Variants in FLII observed in about 807,000 individuals in gnomAD.
FLII encodes FLII actin remodeling protein.
Under a neutral mutation model 156.2 loss-of-function variants are expected in FLII, and 101 were observed. The observed-to-expected ratio is 0.65, with a 90% CI of 0.55 to 0.76. The LOEUF (loss-of-function observed/expected upper bound fraction) is 0.76, where lower values mean the gene tolerates loss of function less well. FLII is among the 30% of genes least tolerant of loss of function. The pLI, the probability that FLII is intolerant of heterozygous loss-of-function variation, is 0.00. For missense variants in FLII, 1,675 were observed against 1,682.8 expected, an observed-to-expected ratio of 1.00 and a Z score of 0.08; for synonymous variants, 767 against 685.8, an observed-to-expected ratio of 1.12 and a Z score of -1.85.
intron 18 of FLII, 107 bp from the exon 19 acceptor site, chr17:18,248,140 C>T: frequency 2.8e-6 from 2 of 709,536 alleles, no homozygotes; most frequent in Non-Finnish European, 4.8e-6. Context: ...GGCTCACTGA[C>T]TGCTTCTGTT....
rs148086852 is a variant in FLII, at chr17:18,248,656, T to C, written c.2084A>G (p.Gln695Arg). The change falls in exon 18 of 30, where the codon CAG (glutamine) becomes CGG (arginine). Residue 695 changes from glutamine (Q) to arginine (R), a missense_variant. Physicochemically the swap from Gln to Arg is conservative, Grantham distance 43 (BLOSUM62 1). Coordinates refer to ENST00000327031, the MANE Select transcript of FLII (RefSeq NM_002018.4). ...KGKAEITLLV[Q>R]GQELPEFWEA... ...CCAGAACTCTGGGAGCTCCTGGCCC[T>C]GCACCAGCAGTGTGATCTCAGCCTT... The C allele has an allele frequency of 5.6e-5, 90 of 1,613,932 alleles. No homozygotes were observed. Among genetic ancestry groups the C allele is most frequent in the Non-Finnish European group, 7.1e-5 (84 of 1,179,954 alleles).
Position 18,258,634 on chromosome 17 carries a change from G to T in FLII, c.57C>A (p.Asp19Glu). The T allele has an allele frequency of 6.4e-7, 1 of 1,560,016 alleles. No homozygotes were observed. The highest frequency in any genetic ancestry group is 8.6e-7 in the Non-Finnish European group (1 of 1,162,932). ...CGCGCCCGGCCCGGCTCACCTTGAA[G>T]TCGTTGCCGCTGAGGTCCACGCCAC... ...FVRGVDLSGN[D>E]FKGGYFPENV... is the part of the protein sequence containing the mutation. Residue 19 changes from aspartate (D) to glutamate (E), a missense_variant, in exon 1 of 30, where the codon GAC becomes GAA. Transcript: ENST00000327031. This position sits in a 1 kb window ranked among gnomAD's most constrained non-coding sequence, Gnocchi z 4.2.
chr17:18,249,264 TC>T (rs2048184668), intron 15 of FLII, 61 bp downstream of exon 15: 18 of 1,608,086 alleles, frequency 1.1e-5, no homozygotes, highest in Non-Finnish European at 1.4e-5. Flanking sequence ...CCCAACACCC[TC>T]CCCTCCACCC....
chr17:18,245,798 G>A lies in FLII; in HGVS notation c.3449C>T (p.Ala1150Val), dbSNP rs1391841244. 1 of 1,613,998 alleles carries A rather than the reference G, an allele frequency of 6.2e-7. No individual in the cohort carries two copies. Among genetic ancestry groups the A allele is most frequent in the South Asian group, 1.1e-5 (1 of 91,060 alleles). ...GGCATCGTCATCATAGGGCTTCTGT[G>A]CCCCAATGCCCACCCAGAAGAAGTT... is the stretch of plus-strand genomic sequence containing the variant. ...PENFFWVGIG[A>V]QKPYDDDAEY... Residue 1150 changes from alanine (A) to valine (V), a missense_variant, in exon 27 of 30, where the codon GCA becomes GTA. Physicochemically the swap from Ala to Val is moderately conservative, Grantham distance 64 (BLOSUM62 0). Coordinates refer to ENST00000327031, the MANE Select transcript of FLII (RefSeq NM_002018.4).
In FLII at chr17:18,249,088, G is replaced by A. The variant is rs1384933942; in HGVS notation, c.1934+39C>T. The stretch of plus-strand genomic sequence containing the variant: ...TGCCCCCACTGGTGGGGAGGAGGCT[G>A]AGGATGAAGCACCCCCACCTCACAT... On this transcript the variant is annotated intron_variant, in intron 16 of 29. Transcript: ENST00000327031. 5 of 1,578,698 alleles carry A rather than the reference G, an allele frequency of 3.2e-6. No individual in the cohort carries two copies. The African/African-American group carries it at 4.0e-5, about 13-fold the overall frequency.
intron 14 of FLII, 119 bp from the exon 15 acceptor site, chr17:18,249,527 T>C: frequency 1.3e-6 from 1 of 742,454 alleles, no homozygotes; most frequent in Non-Finnish European, 2.3e-6. Context: ...AAATCTATGA[T>C]GCCTGTAATC....
At chr17:18,258,925 C>T, upstream of FLII, 1 of 262,972 alleles carries the variant, frequency 3.8e-6, no homozygotes, top group Non-Finnish European at 7.1e-6. This position sits in a 1 kb window ranked among gnomAD's most constrained non-coding sequence, Gnocchi z 4.2. Context: ...TTGGAGGCTT[C>T]CACGATCTCC....
In FLII at chr17:18,248,685, T is replaced by C. The variant is rs1567709554; in HGVS notation, c.2055A>G (p.Lys685=). 1.2e-6 allele frequency: 2 copies of C among 1,613,846 alleles called. No homozygotes were observed. The highest frequency in any genetic ancestry group is 2.7e-5 in the African/African-American group (2 of 75,030). Residue 685 remains lysine (K), a synonymous_variant, in exon 18 of 30, where the codon AAA becomes AAG. Transcript: ENST00000327031. ...CCAGCAGTGTGATCTCAGCCTTCCCTTTCCGCTCATTCTTGTTAATTTTCT... is the reference window on the plus strand; with the variant it reads ...CCAGCAGTGTGATCTCAGCCTTCCCCTTCCGCTCATTCTTGTTAATTTTCT... ...FAEKINKNER[K]GKAEITLLVQ... is the part of the protein sequence containing the mutation.
chr17:18,254,572 T>A lies in FLII; in HGVS notation c.524A>T (p.His175Leu). ...TCCATTGAGCACGAGCGTCTGCAGG[T>A]GCACCAGGCGGCGCATCTGCGGGGG... ...SLPPQMRRLV[H>L]LQTLVLNGNP... is the part of the protein sequence containing the mutation. The change falls in exon 6 of 30, where the codon CAC becomes CTC. Residue 175 changes from histidine (H) to leucine (L), a missense_variant. His to Leu is a moderately conservative substitution (Grantham distance 99). Transcript: ENST00000327031. 1.2e-6 allele frequency: 2 copies of A among 1,613,450 alleles called. No homozygotes were observed. The highest frequency in any genetic ancestry group is 1.7e-6 in the Non-Finnish European group (2 of 1,179,870).
Position 18,246,980 on chromosome 17 carries a change from A to ACTTCTTGCC in FLII, c.2740_2748dup (p.Gly914_Lys916dup), listed in dbSNP as rs774014443. 1.2e-6 allele frequency: 2 copies of ACTTCTTGCC among 1,613,942 alleles called. No homozygotes were observed. Among genetic ancestry groups the ACTTCTTGCC allele is most frequent in the Non-Finnish European group, 1.7e-6 (2 of 1,179,970 alleles). ...AACTCCTCTTCCGGCAGCCGCGCAA[A>ACTTCTTGCC]CTTCTTGCCCTCCAGCACGAAACCC... On this transcript the variant is annotated inframe_insertion, in exon 22 of 30. Coordinates refer to ENST00000327031, the MANE Select transcript of FLII (RefSeq NM_002018.4).
chr17:18,251,759 T>C lies in FLII; in HGVS notation c.1304A>G (p.Asp435Gly), dbSNP rs749444767. 1 of 1,613,944 alleles carries C rather than the reference T, an allele frequency of 6.2e-7. No homozygotes were observed. The highest frequency in any genetic ancestry group is 1.1e-5 in the South Asian group (1 of 91,086). ...ARKMRLRRRKDSAQDDQAKQV... is the reference protein window; with the variant it reads ...ARKMRLRRRKGSAQDDQAKQV... ...CTTGGCCTGGTCATCCTGGGCTGAA[T>C]CCTTGCGCCTCCGCAGTCGCATCTT... Residue 435 changes from aspartate to glycine, a missense_variant, in exon 12 of 30, where the codon GAT (aspartate) becomes GGT (glycine). By Grantham distance (94) the Asp-to-Gly change is moderately conservative (BLOSUM62 -1). This residue lies in a region of FLII where 1,332 missense variants were observed against 1,269.3 expected (regional missense o/e 1.05). Transcript: ENST00000327031.
intron 1 of FLII, among the ~76,000 whole-genome samples, chr17:18,257,861 C>G (rs2048472148): frequency 6.6e-6 from 1 of 152,208 alleles, no homozygotes; most frequent in Admixed American, 6.5e-5. Flanking sequence ...GTGAGGCTGA[C>G]CCTCCAGCCA....
Position 18,251,291 on chromosome 17 carries a change from C to T in FLII, c.1570G>A (p.Glu524Lys), listed in dbSNP as rs901042933. The change falls in exon 13 of 30, where the codon GAG (glutamate) becomes AAG (lysine). Residue 524 changes from glutamate to lysine, a missense_variant. By Grantham distance (56) the Glu-to-Lys change is moderately conservative. This residue lies in a region of FLII where 1,332 missense variants were observed against 1,269.3 expected (regional missense o/e 1.05). Coordinates refer to ENST00000327031, the MANE Select transcript of FLII (RefSeq NM_002018.4). ...VEEAFHGKFYEADCYIVLKTF... is the reference protein window; with the variant it reads ...VEEAFHGKFYKADCYIVLKTF... Reference sequence around the variant, plus strand: ...TTGAGCACAATGTAGCAGTCAGCCTCGTAGAACTTGCCGTGGAAGGCTTCC... The same window carrying T: ...TTGAGCACAATGTAGCAGTCAGCCTTGTAGAACTTGCCGTGGAAGGCTTCC... 7.4e-6 allele frequency: 12 copies of T among 1,613,900 alleles called. No individual in the cohort carries two copies. Among genetic ancestry groups the T allele is most frequent in the African/African-American group, 4.0e-5 (3 of 74,950 alleles).
At chr17:18,249,021 C>T in intron 16 of FLII, 106 bp downstream of exon 16, 1 of 1,372,470 alleles carries the variant, frequency 7.3e-7, no homozygotes, top group Non-Finnish European at 1.0e-6. Flanking sequence ...AGCTCGTGGG[C>T]AGGAATTGCT....
In FLII at chr17:18,257,026, G is replaced by A. The variant is rs772427910; in HGVS notation, c.64-7C>T. The stretch of plus-strand genomic sequence containing the variant: ...TCTCAGGGAAGTAGCCGCCCTGGGG[G>A]AAGGATGTCAAGGTGAAGCACAGAG... On this transcript the variant is annotated splice_region_variant and splice_polypyrimidine_tract_variant and intron_variant, in intron 1 of 29. Transcript: ENST00000327031. The A allele has an allele frequency of 3.2e-6, 5 of 1,584,362 alleles. No individual in the cohort carries two copies. The highest frequency in any genetic ancestry group is 2.7e-5 in the African/African-American group (2 of 74,362).
chr17:18,256,066 T>G (rs2048406946), intron 3 of FLII, among the ~76,000 whole-genome samples: 1 of 152,200 alleles, frequency 6.6e-6, no homozygotes, highest in Non-Finnish European at 1.5e-5. Context: ...AAGTCTTGGG[T>G]AGAAGGTACA....
At position 18,253,391 on chromosome 17, in the gene FLII, C is replaced by A. The variant is rs2048325610; in HGVS notation, c.923G>T (p.Gly308Val). 1 of 1,613,820 alleles carries A rather than the reference C, an allele frequency of 6.2e-7. No homozygotes were observed. ...YLNSNKLDFD[G>V]LPSGIGKLTN... ...GAGCTTGCCAATGCCTGAGGGCAGC[C>A]CGTCAAAGTCCAGCTTGTTGGAATT... The change falls in exon 9 of 30, where the codon GGG becomes GTG. Residue 308 changes from glycine (G) to valine (V), a missense_variant. Around this residue, in one of 2 missense-constraint regions of FLII, gnomAD observed 343 missense variants for 413.5 expected, o/e 0.83. Coordinates refer to ENST00000327031, the MANE Select transcript of FLII (RefSeq NM_002018.4).
rs372788656 is a variant in FLII, at chr17:18,248,791, T to C, written c.2018+9A>G. On this transcript the variant is annotated intron_variant, in intron 17 of 29. Transcript: ENST00000327031. The stretch of plus-strand genomic sequence containing the variant: ...CCTTCACACAAAAGACCCCACGGTG[T>C]CCTTGTACCTGGCCTTGGTGGTGCT... 6.2e-7 allele frequency: 1 copy of C among 1,613,864 alleles called. No individual in the cohort carries two copies. Among genetic ancestry groups the C allele is most frequent in the East Asian group, 2.2e-5 (1 of 44,894 alleles).
chr17:18,246,342 G>A lies in FLII; in HGVS notation c.3172C>T (p.Gln1058Ter). The change falls in exon 24 of 30, where the codon CAG (glutamine) becomes TAG (stop). Residue 1058 changes from glutamine to a stop codon, truncating the protein, a stop_gained. Transcript: ENST00000327031. LOFTEE classifies it high-confidence loss of function. ...AGGGCGCTGCCGTTGGTGCGGATCT[G>A]GTAGAGGCTGGGCTGTTGGGCGCCC... ...VQGAQQPSLY[Q>*]IRTNGSALCT... 2 of 1,613,858 alleles carry A rather than the reference G, an allele frequency of 1.2e-6. No individual in the cohort carries two copies. Among genetic ancestry groups the A allele is most frequent in the Non-Finnish European group, 1.7e-6 (2 of 1,180,018 alleles).
Sources: allele counts gnomAD v4.1 joint callset (sites outside exome capture counted in the v4.1 genomes callset), GRCh38; gene constraint gnomAD v4.1.1; regional missense constraint gnomAD v4.1.1; non-coding constraint Gnocchi (gnomAD v3.1); transcripts MANE v1.5; gene names NCBI Gene and HGNC (gene_info 2026-07-23, HGNC 2026-07-21).